ZNF880: variants seen among roughly 807,000 people sequenced by gnomAD.
ZNF880 encodes zinc finger protein LOC400713.
In ZNF880, 12 loss-of-function variants were observed where a neutral mutation model predicts 11.8. The observed-to-expected ratio is 1.02, with a 90% CI of 0.65 to 1.65. The LOEUF (loss-of-function observed/expected upper bound fraction) is 1.65, where lower values mean the gene tolerates loss of function less well. Ranked by LOEUF, ZNF880 falls within the 40% of genes most tolerant of loss-of-function variation. ZNF880 has a pLI of 0.00. For missense variants in ZNF880, 601 were observed against 673.9 expected, an observed-to-expected ratio of 0.89 and a Z score of 1.20; for synonymous variants, 210 against 232.4, an observed-to-expected ratio of 0.90 and a Z score of 0.88.
downstream of ZNF880, among the ~76,000 whole-genome samples, chr19:52,388,282 CTTTTTTTTTTTTT>C (rs68179783): frequency 1.6e-5 from 1 of 63,424 alleles, no homozygotes; most frequent in African/African-American, 8.8e-5. Context: ...GCAATTTGAA[CTTTTTTTTTTTTT>C]TTTTTTTTTT....
the ZNF880 span, chr19:52,394,662 G>A: frequency 6.6e-6 from 1 of 151,958 alleles, no homozygotes; most frequent in Non-Finnish European, 1.5e-5. Flanking sequence ...GTTTCCTATT[G>A]CTATACACAG....
Position 52,384,222 on chromosome 19 carries a change from T to C in ZNF880, c.642T>C (p.Cys214=), listed in dbSNP as rs1399119101. ...VIHTADNPYK[C]NECDKVFSNS... ...ACACTGCAGATAACCCTTACAAATGTAATGAATGTGACAAGGTCTTCAGTA... is the reference window on the plus strand; with the variant it reads ...ACACTGCAGATAACCCTTACAAATGCAATGAATGTGACAAGGTCTTCAGTA... Residue 214 remains cysteine, a synonymous_variant, in exon 4 of 4, where the codon TGT becomes TGC. Transcript: ENST00000422689. The C allele has an allele frequency of 6.8e-6, 11 of 1,612,550 alleles. No homozygotes were observed. The highest frequency in any genetic ancestry group is 8.5e-6 in the Non-Finnish European group (10 of 1,179,042).
intron 3 of ZNF880, among the ~76,000 whole-genome samples, chr19:52,375,170 T>A (rs1001285244): frequency 3.3e-5 from 5 of 149,630 alleles, no homozygotes; most frequent in African/African-American, 7.5e-5. Context: ...TTTTTTTTTT[T>A]AATTTTTAAT....
downstream of ZNF880, among the ~76,000 whole-genome samples, chr19:52,386,686 CA>C (rs1177228872): frequency 1.4e-5 from 2 of 140,202 alleles, 1 homozygote; most frequent in African/African-American, 5.7e-5. Flanking sequence ...CTTGTAATCC[CA>C]GCTACTCGGG....
intron 1 of ZNF880, among the ~76,000 whole-genome samples, chr19:52,371,128 T>G (rs1224238132): frequency 6.6e-6 from 1 of 152,232 alleles, no homozygotes; most frequent in Non-Finnish European, 1.5e-5. Flanking sequence ...ATATACGTCT[T>G]ATATCTTTTA....
chr19:52,392,298 C>CTCTT, the ZNF880 span, among the ~76,000 whole-genome samples: 2 of 151,490 alleles, frequency 1.3e-5, no homozygotes, highest in Non-Finnish European at 2.9e-5. Flanking sequence ...CCCTTTCTCT[C>CTCTT]TCTCTTTCTT....
downstream of ZNF880, among the ~76,000 whole-genome samples, chr19:52,388,435 G>A (rs1002414540): frequency 1.3e-5 from 2 of 150,744 alleles, no homozygotes; most frequent in African/African-American, 4.9e-5. Context: ...GCACCACCAC[G>A]CCCAGCTAAT....
Position 52,385,075 on chromosome 19 carries a change from A to G in ZNF880, c.1495A>G (p.Lys499Glu), listed in dbSNP as rs763555428. ...ACCTTACAAATGCAGTGAATGTCACAAAGTCTTTAGTCACAATTCACACCT... is the reference window on the plus strand; with the variant it reads ...ACCTTACAAATGCAGTGAATGTCACGAAGTCTTTAGTCACAATTCACACCT... ...EKPYKCSECH[K>E]VFSHNSHLAR... The change falls in exon 4 of 4, where the codon AAA (lysine) becomes GAA (glutamate). Residue 499 changes from lysine to glutamate, a missense_variant. Transcript: ENST00000422689. The G allele has an allele frequency of 2.6e-6, 4 of 1,562,790 alleles. No individual in the cohort carries two copies. Among genetic ancestry groups the G allele is most frequent in the Admixed American group, 1.9e-5 (1 of 51,944 alleles).
downstream of ZNF880, among the ~76,000 whole-genome samples, chr19:52,387,352 C>T (rs1026003878): frequency 2.8e-5 from 4 of 144,310 alleles, no homozygotes; most frequent in Non-Finnish European, 6.1e-5. Context: ...ATGAAACATT[C>T]ACTGTTCATT....
the ZNF880 span, among the ~76,000 whole-genome samples, chr19:52,394,561 T>C: frequency 1.5e-4 from 22 of 151,690 alleles, no homozygotes; most frequent in Non-Finnish European, 2.4e-4. Flanking sequence ...TTTTTGTAGG[T>C]TGACCTTATA....
At chr19:52,373,285 T>C (rs1220607507) in intron 2 of ZNF880, 48 bp downstream of exon 2, 1 of 1,571,376 alleles carries the variant, frequency 6.4e-7, no homozygotes, top group Non-Finnish European at 8.6e-7. Flanking sequence ...TGGTGTATTT[T>C]TGCATTTTGT....
chr19:52,382,884 T>C (rs324126), intron 3 of ZNF880, among the ~76,000 whole-genome samples: 91,451 of 152,058 alleles, frequency 0.6, 28,758 homozygotes, highest in African/African-American at 0.79. Context: ...ATTTCGAATC[T>C]TCTGTCTTCC....
intron 3 of ZNF880, 145 bp from the exon 4 acceptor site, chr19:52,383,704 T>A: frequency 1.1e-6 from 1 of 901,516 alleles, no homozygotes; most frequent in South Asian, 1.7e-5. Flanking sequence ...TCCCTTTTGT[T>A]TTCTGCACTG....
Position 52,384,219 on chromosome 19 carries a change from A to T in ZNF880, c.639A>T (p.Lys213Asn). ...QVIHTADNPY[K>N]CNECDKVFSN... The stretch of plus-strand genomic sequence containing the variant: ...TCCACACTGCAGATAACCCTTACAA[A>T]TGTAATGAATGTGACAAGGTCTTCA... The change falls in exon 4 of 4, where the codon AAA becomes AAT. Residue 213 changes from lysine (K) to asparagine (N), a missense_variant. This residue lies in a region of ZNF880 where 420 missense variants were observed against 442.6 expected (regional missense o/e 0.95). Coordinates refer to ENST00000422689, the MANE Select transcript of ZNF880 (RefSeq NM_001145434.2). The T allele has an allele frequency of 6.2e-7, 1 of 1,612,472 alleles. No homozygotes were observed.
Position 52,373,194 on chromosome 19 carries a change from C to A in ZNF880, c.96C>A (p.Tyr32Ter), listed in dbSNP as rs372343871. 16 of 1,613,226 alleles carry A rather than the reference C, an allele frequency of 9.9e-6. No individual in the cohort carries two copies. In the African/African-American group the frequency reaches 2.1e-4, roughly 22 times the overall value. Reference protein sequence around the residue: ...KCLDPAQRTLYREVMVENYRN... With the variant: ...KCLDPAQRTL The stretch of plus-strand genomic sequence containing the variant: ...TGGACCCTGCTCAGAGGACTTTATA[C>A]AGGGAAGTGATGGTGGAGAACTACA... Residue 32 changes from tyrosine (Y) to a stop codon, truncating the protein, a stop_gained, in exon 2 of 4, where the codon TAC (tyrosine) becomes TAA (stop). Transcript: ENST00000422689. LOFTEE classifies it high-confidence loss of function.
upstream of ZNF880, among the ~76,000 whole-genome samples, chr19:52,369,355 C>CT (rs1192594104): frequency 2.8e-5 from 2 of 71,378 alleles, no homozygotes; most frequent in Non-Finnish European, 5.0e-5. Context: ...GAACGAAACT[C>CT]TGTCTCCAAA....
chr19:52,369,330 C>A (rs1314461864), upstream of ZNF880, among the ~76,000 whole-genome samples: 1 of 145,052 alleles, frequency 6.9e-6, no homozygotes, highest in East Asian at 2.1e-4. Flanking sequence ...CCACTTCACT[C>A]CAGCCTGGGC....
rs1986488019 is a variant in ZNF880, at chr19:52,374,308, T to G, written c.149T>G (p.Leu50Arg). 1 of 1,613,298 alleles carries G rather than the reference T, an allele frequency of 6.2e-7. No individual in the cohort carries two copies. Among genetic ancestry groups the G allele is most frequent in the Non-Finnish European group, 8.5e-7 (1 of 1,179,718 alleles). ...TTCTTTTTTTAAATAGGAATCTGTC[T>G]TCCTGACCTGAGTGTTATCTCCATG... Reference protein sequence around the residue: ...YRNLVFLGICLPDLSVISMLE... With the variant: ...YRNLVFLGICRPDLSVISMLE... Residue 50 changes from leucine to arginine, a missense_variant, in exon 3 of 4, where the codon CTT (leucine) becomes CGT (arginine). Coordinates refer to ENST00000422689, the MANE Select transcript of ZNF880 (RefSeq NM_001145434.2).
At chr19:52,369,918 C>T (rs1486171441), upstream of ZNF880, 2 of 1,551,422 alleles carry the variant, frequency 1.3e-6, no homozygotes, top group Non-Finnish European at 1.7e-6. Flanking sequence ...CTCAGCTGCG[C>T]GCGCAGTTTC....
Sources: gnomAD v4.1 joint callset for allele counts (sites outside exome capture counted in the v4.1 genomes callset) on GRCh38, gnomAD v4.1.1 for gene constraint, gnomAD v4.1.1 regional missense constraint, MANE v1.5 for transcripts, NCBI Gene and HGNC (gene_info 2026-07-23, HGNC 2026-07-21) for gene names.